Variants in NAALADL2 observed in about 807,000 individuals in gnomAD.
The protein encoded by NAALADL2 is inactive N-acetylated-alpha-linked acidic dipeptidase-like protein 2.
NAALADL2 carries 76 observed loss-of-function variants against 87.2 expected under a neutral mutation model. The ratio of observed to expected loss-of-function variants is 0.87; its 90% CI spans 0.72 to 1.05. NAALADL2 has a LOEUF of 1.05. NAALADL2 is among the 50% of genes least tolerant of loss of function. NAALADL2 has a pLI of 0.00. For missense variants in NAALADL2, 1,089 were observed against 945.8 expected, an observed-to-expected ratio of 1.15 and a Z score of -1.99; for synonymous variants, 354 against 331.0, an observed-to-expected ratio of 1.07 and a Z score of -0.75.
intron 11 of NAALADL2, among the ~76,000 whole-genome samples, chr3:175,661,598 T>C (rs1732267770): frequency 1.3e-5 from 2 of 152,002 alleles, no homozygotes; most frequent in Admixed American, 1.3e-4. Context: ...TCCTGTAGCA[T>C]TTTCTCATTT....
chr3:175,182,550 G>GTTTTTTTTT lies in NAALADL2; in HGVS notation c.546-51361_546-51353dup, dbSNP rs1161831796. ...CTATAAGTCCATGACACCACAGCCA[G>GTTTTTTTTT]TTTTTTTTTTTTTTTTTTTTTTTTT... On this transcript the variant is annotated intron_variant, in intron 2 of 13. Coordinates refer to ENST00000454872, the MANE Select transcript of NAALADL2 (RefSeq NM_207015.3). 5.3e-4 allele frequency among the ~76,000 whole-genome samples: 37 copies of GTTTTTTTTT among 69,474 alleles called. 2 individuals are homozygous for GTTTTTTTTT. Among genetic ancestry groups the GTTTTTTTTT allele is most frequent in the Admixed American group, 6.3e-4 (3 of 4,798 alleles). 45.6% of individuals were successfully genotyped at this position (69,474 alleles called of 152,430 possible).
intron 11 of NAALADL2, among the ~76,000 whole-genome samples, chr3:175,652,463 T>C (rs1730889659): frequency 6.6e-6 from 1 of 151,250 alleles, no homozygotes; most frequent in Admixed American, 6.6e-5. Context: ...TTAGGACTGT[T>C]TATTTTCTTT....
intron 3 of NAALADL2, among the ~76,000 whole-genome samples, chr3:175,243,814 C>T (rs1315856708): frequency 6.6e-6 from 1 of 152,032 alleles, no homozygotes; most frequent in African/African-American, 2.4e-5. Context: ...TCAGATTTCC[C>T]AAGGTCTGAA....
At chr3:174,635,506 GTTT>G (rs11285134) in intron 2 of NAALADL2, among the ~76,000 whole-genome samples, 5 of 139,562 alleles carry the variant, frequency 3.6e-5, no homozygotes, top group Admixed American at 7.2e-5. Flanking sequence ...GGTGGTTGTG[GTTT>G]TTTTTTTTTT....
intron 1 of NAALADL2, among the ~76,000 whole-genome samples, chr3:174,974,094 CT>C (rs1437648372): frequency 6.6e-6 from 1 of 152,162 alleles, no homozygotes; most frequent in East Asian, 1.9e-4. Flanking sequence ...TCCAACTTTG[CT>C]GAAGCATTGC....
At chr3:175,658,793 G>A (rs753196125) in intron 11 of NAALADL2, among the ~76,000 whole-genome samples, 5 of 152,048 alleles carry the variant, frequency 3.3e-5, no homozygotes, top group Non-Finnish European at 7.4e-5. Flanking sequence ...ATTATCTAAA[G>A]TTGTACATCT....
chr3:174,732,195 C>G (rs76001121), intron 2 of NAALADL2, among the ~76,000 whole-genome samples: 4,691 of 152,090 alleles, frequency 0.031, 92 homozygotes, highest in African/African-American at 0.051. Context: ...GGATATATAA[C>G]AAGTATAAAT....
At chr3:175,021,347 C>G (rs972112975) in intron 1 of NAALADL2, among the ~76,000 whole-genome samples, 2 of 152,040 alleles carry the variant, frequency 1.3e-5, no homozygotes, top group Admixed American at 6.6e-5. Flanking sequence ...TATACATGGT[C>G]AATAAATATT....
At chr3:175,646,399 C>T (rs991140638) in intron 11 of NAALADL2, among the ~76,000 whole-genome samples, 6 of 151,952 alleles carry the variant, frequency 3.9e-5, no homozygotes, top group Non-Finnish European at 2.9e-5. Context: ...TTAAAATGTA[C>T]CCATTGTCTT....
At chr3:174,754,909 CAG>C (rs775774259) in intron 3 of NAALADL2, among the ~76,000 whole-genome samples, 1 of 152,054 alleles carries the variant, frequency 6.6e-6, no homozygotes, top group Non-Finnish European at 1.5e-5. Context: ...AATGAGAAAA[CAG>C]AGTTAGAAAA....
intron 11 of NAALADL2, among the ~76,000 whole-genome samples, chr3:175,732,684 C>T (rs1349061138): frequency 6.6e-6 from 1 of 151,998 alleles, no homozygotes; most frequent in Non-Finnish European, 1.5e-5. Context: ...GCAGGGAGAC[C>T]TTGAGGCTCT....
chr3:174,517,230 T>A (rs930556197), intron 1 of NAALADL2, among the ~76,000 whole-genome samples: 1 of 152,038 alleles, frequency 6.6e-6, no homozygotes, highest in African/African-American at 2.4e-5. Flanking sequence ...TTGCATTTTG[T>A]CTACAGATTA....
intron 1 of NAALADL2, among the ~76,000 whole-genome samples, chr3:174,867,547 C>G (rs1727308382): frequency 6.6e-6 from 1 of 151,934 alleles, no homozygotes; most frequent in Non-Finnish European, 1.5e-5. Context: ...TGCTTCATTT[C>G]TAGTGCGTAG....
At chr3:174,669,165 G>A (rs1157827984) in intron 2 of NAALADL2, among the ~76,000 whole-genome samples, 1 of 152,056 alleles carries the variant, frequency 6.6e-6, no homozygotes. Flanking sequence ...TTTCTCTGAT[G>A]GCCAGTGATG....
At chr3:175,534,562 G>A (rs1291906340) in intron 9 of NAALADL2, among the ~76,000 whole-genome samples, 2 of 150,598 alleles carry the variant, frequency 1.3e-5, no homozygotes, top group Non-Finnish European at 2.9e-5. Context: ...TCCTAAATGT[G>A]TCCTGTCTGG....
intron 13 of NAALADL2, among the ~76,000 whole-genome samples, chr3:175,772,946 A>G (rs1253319494): frequency 6.6e-6 from 1 of 152,176 alleles, no homozygotes; most frequent in African/African-American, 2.4e-5. Context: ...ACTGCCAAAA[A>G]GGTGAAGAAA....
chr3:175,394,411 T>C (rs1006510501), intron 5 of NAALADL2, among the ~76,000 whole-genome samples: 1 of 152,210 alleles, frequency 6.6e-6, no homozygotes, highest in Admixed American at 6.5e-5. Context: ...ATAACTTAAA[T>C]ATCCTGACAT....
At chr3:175,214,237 A>G (rs1742178952) in intron 2 of NAALADL2, among the ~76,000 whole-genome samples, 1 of 152,154 alleles carries the variant, frequency 6.6e-6, no homozygotes, top group Non-Finnish European at 1.5e-5. Flanking sequence ...TATAGTTTAC[A>G]TGAAAGTAAT....
Position 175,346,301 on chromosome 3 carries a change from A to AAC in NAALADL2, c.1090+21986_1090+21987dup, listed in dbSNP as rs1375985463. Among the ~76,000 whole-genome samples, 8 of 152,040 alleles carry AAC rather than the reference A, an allele frequency of 5.3e-5. No individual in the cohort carries two copies. The East Asian group carries it at 1.5e-3, about 29-fold the overall frequency. ...TTTTATACACACATGCATACACACA[A>AAC]ACACACACACATATGAATATAAATT... On this transcript the variant is annotated intron_variant, in intron 5 of 13. Coordinates refer to ENST00000454872, the MANE Select transcript of NAALADL2 (RefSeq NM_207015.3).
Sources: allele counts gnomAD v4.1 joint callset (sites outside exome capture counted in the v4.1 genomes callset), GRCh38; gene constraint gnomAD v4.1.1; transcripts MANE v1.5; gene names NCBI Gene and HGNC (gene_info 2026-07-23, HGNC 2026-07-21).